Variants in ULK4 observed in about 807,000 individuals in gnomAD.
ULK4 encodes inactive serine/threonine-protein kinase ULK4.
In ULK4, 133 loss-of-function variants were observed where a neutral mutation model predicts 160.6. The observed-to-expected ratio is 0.83, with a 90% CI of 0.72 to 0.96. The LOEUF (loss-of-function observed/expected upper bound fraction) is 0.96, where lower values mean the gene tolerates loss of function less well. Ranked by LOEUF, ULK4 falls within the 40% of genes least tolerant of loss-of-function variation. The probability of loss-of-function intolerance (pLI) is 0.00; values close to 1 mark genes in which losing one functional copy is unlikely to be tolerated. For missense variants in ULK4, 1,580 were observed against 1,499.5 expected (o/e 1.05, Z -0.89); for synonymous variants, 534 against 539.8 (o/e 0.99, Z 0.15).
chr3:41,856,551 GTATATATA>G (rs1172095341), intron 17 of ULK4, among the ~76,000 whole-genome samples: 1 of 44,438 alleles, frequency 2.3e-5, no homozygotes, highest in African/African-American at 1.4e-4. Flanking sequence ...ATATATATGT[GTATATATA>G]TACACATATA....
At position 41,854,685 on chromosome 3, in the gene ULK4, T is replaced by C. The variant is rs543358308; in HGVS notation, c.1657-18714A>G. Among the ~76,000 whole-genome samples, 13 of 152,294 alleles carry C rather than the reference T, an allele frequency of 8.5e-5. No homozygotes were observed. The South Asian group carries it at 1.7e-3, about 19-fold the overall frequency. On this transcript the variant is annotated intron_variant, in intron 17 of 36. Transcript: ENST00000301831. ...CAGATCCCAGATCTAACCTGCTTCA[T>C]AGACCTAGAGCTCCCCAAGTAACCT...
rs35024487 is a variant in ULK4, at chr3:41,688,388, C to T, written c.2782-6584G>A. ...GAGCCACATAGTGGAACCCCCATCC[C>T]TAAAAAATGAATAAACAAACAAATA... On this transcript the variant is annotated intron_variant, in intron 27 of 36. Coordinates refer to ENST00000301831, the MANE Select transcript of ULK4 (RefSeq NM_017886.4). Among the ~76,000 whole-genome samples the T allele has an allele frequency of 4.9e-4, 75 of 152,172 alleles. 1 individual carries two copies. In the South Asian group the frequency reaches 0.012, roughly 25 times the overall value.
chr3:41,612,854 C>T (rs1010846823), intron 31 of ULK4, among the ~76,000 whole-genome samples: 2 of 151,978 alleles, frequency 1.3e-5, no homozygotes, highest in African/African-American at 4.8e-5. Context: ...GAGAGGAGCA[C>T]ATCATAGAAG....
intron 32 of ULK4, among the ~76,000 whole-genome samples, chr3:41,498,372 A>T (rs1433746674): frequency 1.3e-5 from 2 of 152,208 alleles, no homozygotes; most frequent in African/African-American, 2.4e-5. Context: ...TGAAAACACA[A>T]TGGAGCTTAA....
At chr3:41,583,770 C>T (rs932833326) in intron 31 of ULK4, among the ~76,000 whole-genome samples, 2 of 152,202 alleles carry the variant, frequency 1.3e-5, no homozygotes, top group Admixed American at 6.5e-5. Context: ...TGACTATTTG[C>T]TTCTAACAGG....
chr3:41,824,847 G>A (rs1262794463), intron 18 of ULK4, among the ~76,000 whole-genome samples: 1 of 152,184 alleles, frequency 6.6e-6, no homozygotes, highest in Non-Finnish European at 1.5e-5. Context: ...CTGGAGATCT[G>A]AGAACGGACA....
At chr3:41,887,103 T>C (rs1697751888) in intron 16 of ULK4, among the ~76,000 whole-genome samples, 1 of 152,212 alleles carries the variant, frequency 6.6e-6, no homozygotes, top group Non-Finnish European at 1.5e-5. Flanking sequence ...AGTGGGAGTC[T>C]GTATAGGATG....
chr3:41,723,296 T>C (rs969245827), intron 22 of ULK4, among the ~76,000 whole-genome samples: 3 of 152,004 alleles, frequency 2.0e-5, no homozygotes, highest in African/African-American at 7.2e-5. Flanking sequence ...CATTCTCCCA[T>C]TGGGTTGTTG....
chr3:41,777,344 T>C (rs1306676038), intron 21 of ULK4, among the ~76,000 whole-genome samples: 1 of 55,336 alleles, frequency 1.8e-5, no homozygotes, highest in Non-Finnish European at 2.9e-5. Context: ...TAGTGGTCTA[T>C]CAATTTTGTT....
At chr3:41,534,258 A>G (rs538117625) in intron 32 of ULK4, among the ~76,000 whole-genome samples, 4 of 152,316 alleles carry the variant, frequency 2.6e-5, no homozygotes, top group Non-Finnish European at 4.4e-5. Context: ...GGAGACAAAT[A>G]TAACTTCTTT....
intron 7 of ULK4, among the ~76,000 whole-genome samples, chr3:41,918,173 A>C (rs1170414090): frequency 6.6e-6 from 1 of 152,198 alleles, no homozygotes; most frequent in East Asian, 1.9e-4. Context: ...AAGCAATGTC[A>C]CATAAGGGTT....
intron 35 of ULK4, among the ~76,000 whole-genome samples, chr3:41,257,710 T>C (rs1385038024): frequency 2.0e-5 from 3 of 152,014 alleles, no homozygotes; most frequent in Non-Finnish European, 4.4e-5. Flanking sequence ...CCCAAGTGAA[T>C]TGAAAACTTA....
chr3:41,560,186 T>G (rs1304100172), intron 32 of ULK4, among the ~76,000 whole-genome samples: 1 of 152,198 alleles, frequency 6.6e-6, no homozygotes, highest in Non-Finnish European at 1.5e-5. Context: ...TGAGTGGTGT[T>G]ATTTCTGAGG....
chr3:41,665,746 C>T (rs1342696507), intron 29 of ULK4, among the ~76,000 whole-genome samples: 1 of 152,050 alleles, frequency 6.6e-6, no homozygotes, highest in African/African-American at 2.4e-5. Context: ...CTAACGTCTA[C>T]TTAAAATTTT....
At chr3:41,361,642 C>A (rs1485010675) in intron 35 of ULK4, among the ~76,000 whole-genome samples, 18 of 152,136 alleles carry the variant, frequency 1.2e-4, no homozygotes. Flanking sequence ...CTGACTAGAA[C>A]CTTTTTTTAA....
chr3:41,364,521 TC>T (rs1253482523), intron 35 of ULK4, among the ~76,000 whole-genome samples: 1 of 152,234 alleles, frequency 6.6e-6, no homozygotes, highest in African/African-American at 2.4e-5. Flanking sequence ...TATTTTTTTT[TC>T]CTGGTATTTC....
chr3:41,845,869 T>C (rs1026689165), intron 17 of ULK4, among the ~76,000 whole-genome samples: 11 of 152,190 alleles, frequency 7.2e-5, no homozygotes, highest in Non-Finnish European at 1.5e-4. Flanking sequence ...TAAAAAACTG[T>C]CAACCTCATA....
chr3:41,606,879 G>T (rs1048876562), intron 31 of ULK4, among the ~76,000 whole-genome samples: 1 of 152,054 alleles, frequency 6.6e-6, no homozygotes, highest in African/African-American at 2.4e-5. Context: ...TGGATGAATA[G>T]TTTGCAAATA....
chr3:41,698,144 A>G (rs2036560470), intron 27 of ULK4, among the ~76,000 whole-genome samples: 1 of 152,218 alleles, frequency 6.6e-6, no homozygotes, highest in Admixed American at 6.5e-5. Context: ...GTGTAAGTAC[A>G]TTCTATGGTG....
Sources: gnomAD v4.1 joint callset for allele counts (sites outside exome capture counted in the v4.1 genomes callset) on GRCh38, gnomAD v4.1.1 for gene constraint, MANE v1.5 for transcripts, NCBI Gene and HGNC (gene_info 2026-07-23, HGNC 2026-07-21) for gene names.